Variants in TASP1 observed in about 807,000 individuals in gnomAD.
TASP1 encodes the protein threonine aspartase 1.
A neutral mutation model predicts 56.6 loss-of-function variants in TASP1; 16 were observed. The ratio of observed to expected loss-of-function variants is 0.28; its 90% confidence interval spans 0.19 to 0.43. TASP1 has a LOEUF of 0.43. Ranked by LOEUF, TASP1 falls within the 20% of genes least tolerant of loss-of-function variation. The pLI, the probability that TASP1 is intolerant of heterozygous loss-of-function variation, is 1.00. For missense variants in TASP1, 393 were observed against 511.6 expected (o/e 0.77, Z 2.24); for synonymous variants, 179 against 184.2 (o/e 0.97, Z 0.23).
chr20:13,499,910 T>G (rs190728334), intron 10 of TASP1, among the ~76,000 whole-genome samples: 3 of 152,108 alleles, frequency 2.0e-5, no homozygotes, highest in Admixed American at 2.0e-4. Context: ...TTCTCTCTCA[T>G]AAATGGGAGC....
At chr20:13,510,425 T>C (rs1487231691) in intron 10 of TASP1, among the ~76,000 whole-genome samples, 2 of 152,196 alleles carry the variant, frequency 1.3e-5, no homozygotes, top group Non-Finnish European at 2.9e-5. Context: ...GAAATGAAGA[T>C]ATAAACAAAC....
chr20:13,565,389 A>C (rs2046491610), intron 7 of TASP1, among the ~76,000 whole-genome samples: 1 of 152,218 alleles, frequency 6.6e-6, no homozygotes, highest in Non-Finnish European at 1.5e-5. Context: ...GGAGTGAAAG[A>C]CACAATCAAT....
At chr20:13,255,040 G>C in the TASP1 span, among the ~76,000 whole-genome samples, 1 of 152,182 alleles carries the variant, frequency 6.6e-6, no homozygotes, top group African/African-American at 2.4e-5. Context: ...CCTGGTAGGG[G>C]CCACAACACA....
At chr20:13,171,147 C>G in the TASP1 span, among the ~76,000 whole-genome samples, 2 of 152,076 alleles carry the variant, frequency 1.3e-5, no homozygotes, top group African/African-American at 2.4e-5. Flanking sequence ...ACATGATTTC[C>G]CCTTAATGTG....
intron 13 of TASP1, chr20:13,392,656 T>G (rs73901124): frequency 0.012 from 5,489 of 445,354 alleles, 248 homozygotes; most frequent in African/African-American, 0.095. Context: ...CATCTTCTCA[T>G]GCAGTGCTAG....
chr20:13,635,923 T>C (rs2049288377), intron 1 of TASP1, among the ~76,000 whole-genome samples: 3 of 152,182 alleles, frequency 2.0e-5, no homozygotes, highest in African/African-American at 4.8e-5. Context: ...TTTCCTACTG[T>C]ATGTGATGAC....
chr20:13,588,303 AAGG>A (rs2047391445), intron 4 of TASP1, among the ~76,000 whole-genome samples: 1 of 112,406 alleles, frequency 8.9e-6, no homozygotes, highest in African/African-American at 3.1e-5. Flanking sequence ...GGAAGGAAGG[AAGG>A]AAGAGAAAGA....
intron 6 of TASP1, among the ~76,000 whole-genome samples, chr20:13,579,524 C>T (rs900550064): frequency 4.9e-4 from 75 of 152,054 alleles, no homozygotes; most frequent in African/African-American, 1.6e-3. Context: ...CCACCATACC[C>T]GGCTAATTTT....
At chr20:13,623,177 T>C (rs2048775842) in intron 4 of TASP1, among the ~76,000 whole-genome samples, 1 of 151,984 alleles carries the variant, frequency 6.6e-6, no homozygotes, top group East Asian at 1.9e-4. Flanking sequence ...CTACTGAAAA[T>C]GGGAAACTTA....
chr20:13,637,377 C>T (rs1037056503), intron 1 of TASP1, among the ~76,000 whole-genome samples: 2 of 152,208 alleles, frequency 1.3e-5, no homozygotes, highest in East Asian at 1.9e-4. Flanking sequence ...CCCACCAATT[C>T]CACTTCTAGG....
At chr20:13,301,829 G>A in the TASP1 span, among the ~76,000 whole-genome samples, 1 of 152,086 alleles carries the variant, frequency 6.6e-6, no homozygotes, top group Admixed American at 6.5e-5. Context: ...GATCAGGAGA[G>A]ACAAAAATGT....
the TASP1 span, chr20:13,164,916 C>T: frequency 6.9e-7 from 1 of 1,458,172 alleles, no homozygotes; most frequent in Non-Finnish European, 9.4e-7. Context: ...AAAGACCTCC[C>T]TCCTTGCCTC....
At chr20:13,288,776 C>T in the TASP1 span, 1 of 1,298,068 alleles carries the variant, frequency 7.7e-7, no homozygotes, top group East Asian at 2.3e-5. Context: ...TTAAAAGATG[C>T]ACTACTTTTC....
the TASP1 span, among the ~76,000 whole-genome samples, chr20:13,221,456 C>T: frequency 6.9e-6 from 1 of 145,914 alleles, no homozygotes; most frequent in Non-Finnish European, 1.5e-5. Flanking sequence ...TCCCGGGACC[C>T]AGTCTCCGTC....
chr20:13,533,580 G>C (rs2045305817), intron 9 of TASP1, among the ~76,000 whole-genome samples: 4 of 152,122 alleles, frequency 2.6e-5, no homozygotes. Context: ...TCAGAGGAGG[G>C]ATGTAAAGGG....
the TASP1 span, among the ~76,000 whole-genome samples, chr20:13,221,219 ACTCCTCCTC>A: frequency 0.057 from 4,740 of 82,926 alleles, 356 homozygotes; most frequent in East Asian, 0.24. Flanking sequence ...AAGCCCTCCT[ACTCCTCCTC>A]CTCCTCCTCC....
chr20:13,622,037 T>C (rs1388175653), intron 4 of TASP1, among the ~76,000 whole-genome samples: 1 of 152,190 alleles, frequency 6.6e-6, no homozygotes, highest in East Asian at 1.9e-4. Flanking sequence ...CCTCAACATA[T>C]AATTAACCTT....
the TASP1 span, among the ~76,000 whole-genome samples, chr20:13,251,075 G>A: frequency 6.6e-6 from 1 of 152,022 alleles, no homozygotes; most frequent in Non-Finnish European, 1.5e-5. Context: ...TAGCTGTTCT[G>A]CTCCTTGGAT....
the TASP1 span, among the ~76,000 whole-genome samples, chr20:13,120,700 T>A: frequency 1.8e-3 from 269 of 152,346 alleles, 1 homozygote; most frequent in African/African-American, 6.2e-3. Flanking sequence ...TGGTTTAGTA[T>A]GACGATACTA....
Sources: allele counts gnomAD v4.1 joint callset (sites outside exome capture counted in the v4.1 genomes callset), GRCh38; gene constraint gnomAD v4.1.1; transcripts MANE v1.5; gene names NCBI Gene and HGNC (gene_info 2026-07-23, HGNC 2026-07-21).